FLNB: variants seen among roughly 807,000 people sequenced by gnomAD.
FLNB encodes the protein filamin B.
In FLNB, 111 loss-of-function variants were observed where a neutral mutation model predicts 250.6. That is an observed-to-expected ratio of 0.44 (90% CI 0.38 to 0.52). The LOEUF is 0.52. Ranked by LOEUF, FLNB falls within the 20% of genes least tolerant of loss-of-function variation. The pLI is 0.00. For missense variants in FLNB, 2,869 were observed against 3,447.8 expected, an observed-to-expected ratio of 0.83 and a Z score of 4.20; for synonymous variants, 1,302 against 1,372.1, an observed-to-expected ratio of 0.95 and a Z score of 1.13.
At chr3:58,041,015 G>A (rs2097145317) in intron 1 of FLNB, among the ~76,000 whole-genome samples, 1 of 152,126 alleles carries the variant, frequency 6.6e-6, no homozygotes, top group African/African-American at 2.4e-5. Flanking sequence ...TGTGTGCTAG[G>A]TGGCTTTTTA....
At chr3:58,026,822 G>A (rs2097124234) in intron 1 of FLNB, among the ~76,000 whole-genome samples, 1 of 152,174 alleles carries the variant, frequency 6.6e-6, no homozygotes, top group South Asian at 2.1e-4. Flanking sequence ...GGTGTAGCCA[G>A]GGAACGCCCA....
chr3:58,038,123 G>A (rs1410768020), intron 1 of FLNB, among the ~76,000 whole-genome samples: 1 of 151,970 alleles, frequency 6.6e-6, no homozygotes, highest in African/African-American at 2.4e-5. Flanking sequence ...TTTGCCTCCT[G>A]TGTTCAAGCG....
At chr3:58,060,769 C>CAAAAAAAA (rs71091334) in intron 1 of FLNB, among the ~76,000 whole-genome samples, 118 of 64,210 alleles carry the variant, frequency 1.8e-3, no homozygotes, top group Non-Finnish European at 2.7e-3. Flanking sequence ...GACCTTGTCT[C>CAAAAAAAA]AAAAAAAAAA....
chr3:58,157,141 A>C lies in FLNB; in HGVS notation c.6888+1066A>C, dbSNP rs2097354626. On this transcript the variant is annotated intron_variant, in intron 41 of 45. Transcript: ENST00000295956. ...TCACTTAATTCAAGGTTGTACTAGC[A>C]CCTTCAGCCAAACTAAGAACCATCG... Among the ~76,000 whole-genome samples, 3 of 152,214 alleles carry C rather than the reference A, an allele frequency of 2.0e-5. No homozygotes were observed. In the South Asian group the frequency reaches 6.2e-4, roughly 31 times the overall value.
At chr3:58,025,800 C>T (rs969116123) in intron 1 of FLNB, among the ~76,000 whole-genome samples, 1 of 152,182 alleles carries the variant, frequency 6.6e-6, no homozygotes, top group Non-Finnish European at 1.5e-5. Context: ...GTAGTGTGTG[C>T]CTTTAATTCC....
intron 4 of FLNB, among the ~76,000 whole-genome samples, chr3:58,082,853 A>G (rs1210156935): frequency 6.6e-6 from 1 of 151,908 alleles, no homozygotes; most frequent in Non-Finnish European, 1.5e-5. Context: ...ATCTTCTCCC[A>G]GAATTGACAG....
intron 1 of FLNB, among the ~76,000 whole-genome samples, chr3:58,056,383 G>T (rs1219569647): frequency 2.6e-5 from 4 of 151,954 alleles, no homozygotes; most frequent in Non-Finnish European, 5.9e-5. Context: ...TTACAGGTGT[G>T]AGCCACCGCA....
chr3:58,139,965 G>A (rs982605151), intron 29 of FLNB, among the ~76,000 whole-genome samples: 1 of 152,164 alleles, frequency 6.6e-6, no homozygotes, highest in African/African-American at 2.4e-5. Context: ...AGTAATAAGT[G>A]TCTTCTAGCC....
intron 1 of FLNB, among the ~76,000 whole-genome samples, chr3:58,064,930 C>T (rs1427726856): frequency 1.3e-5 from 2 of 152,130 alleles, no homozygotes; most frequent in African/African-American, 4.8e-5. Flanking sequence ...GTCCCAGCTA[C>T]TTAGAAAGCT....
At chr3:58,095,229 G>GTATGTATTTATTTATTTATTTATTTATT (rs140031981) in intron 5 of FLNB, among the ~76,000 whole-genome samples, 3 of 147,708 alleles carry the variant, frequency 2.0e-5, no homozygotes, top group African/African-American at 7.6e-5. Flanking sequence ...GTTTATGTAT[G>GTATGTATTTATTTATTTATTTATTTATT]TATTTATTTA....
In FLNB at chr3:58,163,109, G is replaced by A. The variant is rs369482373; in HGVS notation, c.7022-45G>A. 1.9e-6 allele frequency: 3 copies of A among 1,593,298 alleles called. No individual in the cohort carries two copies. In the African/African-American group the frequency reaches 4.0e-5, roughly 21 times the overall value. The stretch of plus-strand genomic sequence containing the variant: ...CTTTATCCTCACTGAACTCAGGGGT[G>A]TCCATTTGCTTGATTTCACCCTGTG... On this transcript the variant is annotated intron_variant, in intron 42 of 45. Transcript: ENST00000295956.
chr3:58,098,675 G>A (rs754478516), intron 7 of FLNB, 36 bp from the exon 8 acceptor site: 5 of 1,608,382 alleles, frequency 3.1e-6, no homozygotes, highest in Non-Finnish European at 4.3e-6. Flanking sequence ...TTCAGAGAGG[G>A]TGACTTGGGC....
chr3:58,013,318 C>T (rs565610199), intron 1 of FLNB, among the ~76,000 whole-genome samples: 2 of 152,292 alleles, frequency 1.3e-5, no homozygotes, highest in East Asian at 3.9e-4. Flanking sequence ...ACCAGGCCAG[C>T]GCCAGAGCAG....
chr3:58,161,625 G>A (rs2097361906), intron 42 of FLNB, among the ~76,000 whole-genome samples: 1 of 152,216 alleles, frequency 6.6e-6, no homozygotes, highest in Admixed American at 6.5e-5. Context: ...CACAATAAAG[G>A]GGCCCAGTAA....
chr3:58,121,977 G>A (rs1387520936), intron 20 of FLNB, among the ~76,000 whole-genome samples: 1 of 151,486 alleles, frequency 6.6e-6, no homozygotes, highest in Non-Finnish European at 1.5e-5. Context: ...AGACCATCCT[G>A]GCTACCACGG....
intron 22 of FLNB, among the ~76,000 whole-genome samples, chr3:58,124,960 C>T (rs1426118113): frequency 6.6e-6 from 1 of 152,028 alleles, no homozygotes; most frequent in Non-Finnish European, 1.5e-5. Flanking sequence ...TTCTGTTTCA[C>T]GGGTTTCGCT....
intron 1 of FLNB, among the ~76,000 whole-genome samples, chr3:58,026,637 TGAG>T (rs2097124036): frequency 6.6e-6 from 1 of 152,114 alleles, no homozygotes; most frequent in South Asian, 2.1e-4. Flanking sequence ...TCGGTTCTCT[TGAG>T]GAGTTGGCGA....
At chr3:58,088,989 G>T (rs944481130) in intron 4 of FLNB, among the ~76,000 whole-genome samples, 13 of 152,074 alleles carry the variant, frequency 8.5e-5, no homozygotes, top group Non-Finnish European at 1.2e-4. Flanking sequence ...CCCACTGTTA[G>T]TAACAAGGTG....
chr3:58,149,471 C>G, intron 36 of FLNB: 1 of 317,948 alleles, frequency 3.1e-6, no homozygotes, highest in African/African-American at 2.1e-5. Flanking sequence ...TAGCCAGGGG[C>G]TATTTAAAAA....
Sources: allele counts gnomAD v4.1 joint callset (sites outside exome capture counted in the v4.1 genomes callset), GRCh38; gene constraint gnomAD v4.1.1; transcripts MANE v1.5; gene names NCBI Gene and HGNC (gene_info 2026-07-23, HGNC 2026-07-21).